Variants in NRXN1 observed in about 807,000 individuals in gnomAD.
The protein encoded by NRXN1 is neurexin 1.
A neutral mutation model predicts 150.9 loss-of-function variants in NRXN1; 39 were observed. The observed-to-expected ratio is 0.26, with a 90% CI of 0.20 to 0.34. NRXN1 has a LOEUF of 0.34. Ranked by LOEUF, NRXN1 falls within the 10% of genes least tolerant of loss-of-function variation. The probability of loss-of-function intolerance (pLI) is 1.00; values close to 1 mark genes in which losing one functional copy is unlikely to be tolerated. For synonymous variants in NRXN1, 924 were observed against 757.0 expected, an observed-to-expected ratio of 1.22 and a Z score of -3.62; for missense variants, 1,815 against 1,949.9, an observed-to-expected ratio of 0.93 and a Z score of 1.30.
chr2:50,199,799 C>T (rs548411290), intron 18 of NRXN1, among the ~76,000 whole-genome samples: 1 of 152,206 alleles, frequency 6.6e-6, no homozygotes, highest in East Asian at 1.9e-4. Context: ...CTCCTCTTTT[C>T]TTAAAAAGAC....
intron 17 of NRXN1, among the ~76,000 whole-genome samples, chr2:50,393,108 C>A (rs1331695640): frequency 6.6e-6 from 1 of 151,462 alleles, no homozygotes; most frequent in Non-Finnish European, 1.5e-5. Flanking sequence ...AGAAGCCATT[C>A]TATTGTCCAG....
intron 17 of NRXN1, among the ~76,000 whole-genome samples, chr2:50,286,308 C>G (rs536978075): frequency 3.3e-5 from 5 of 152,180 alleles, no homozygotes; most frequent in African/African-American, 1.2e-4. Context: ...ACTCCTACCC[C>G]CTAGTAATCA....
intron 5 of NRXN1, among the ~76,000 whole-genome samples, chr2:50,723,800 C>A (rs1024506348): frequency 6.6e-6 from 1 of 152,114 alleles, no homozygotes; most frequent in African/African-American, 2.4e-5. Context: ...TCTGGAGAGG[C>A]CTCTGAATGA....
chr2:50,223,142 G>A (rs181338107), intron 18 of NRXN1, among the ~76,000 whole-genome samples: 1 of 151,662 alleles, frequency 6.6e-6, no homozygotes, highest in Admixed American at 6.6e-5. Context: ...CTAGTCTATT[G>A]AATCTAGTTT....
At chr2:50,653,972 T>C (rs981296731) in intron 5 of NRXN1, among the ~76,000 whole-genome samples, 1 of 127,568 alleles carries the variant, frequency 7.8e-6, no homozygotes, top group African/African-American at 2.8e-5. Flanking sequence ...TTTGGCCTTT[T>C]CATCTTTTTT....
At chr2:50,158,041 T>A (rs1205780286) in intron 18 of NRXN1, among the ~76,000 whole-genome samples, 1 of 148,318 alleles carries the variant, frequency 6.7e-6, no homozygotes, top group African/African-American at 2.5e-5. Context: ...GAAAGATCCT[T>A]CAGGAATATT....
intron 5 of NRXN1, among the ~76,000 whole-genome samples, chr2:50,851,935 G>A (rs571501331): frequency 1.3e-5 from 2 of 152,288 alleles, no homozygotes; most frequent in East Asian, 3.9e-4. Flanking sequence ...ACTCTTAATA[G>A]TGCCTTTGTT....
chr2:50,629,294 T>C (rs1681794669), intron 5 of NRXN1, among the ~76,000 whole-genome samples: 2 of 151,606 alleles, frequency 1.3e-5, no homozygotes, highest in Admixed American at 1.3e-4. Flanking sequence ...TGTGAATCTA[T>C]GAGCTGCAAC....
intron 17 of NRXN1, among the ~76,000 whole-genome samples, chr2:50,278,407 C>T (rs545011258): frequency 2.7e-5 from 4 of 147,880 alleles, no homozygotes; most frequent in Admixed American, 6.9e-5. Context: ...CCCCCTTGGC[C>T]TCCCAAAGTG....
Position 50,929,428 on chromosome 2 carries a change from G to C in NRXN1, c.773-3473C>G, listed in dbSNP as rs111978622. ...AGTGCTACAACTTACATTAAAAAATGACCAAAAGAAGCTTCCTGATATCAC... is the reference window on the plus strand; with the variant it reads ...AGTGCTACAACTTACATTAAAAAATCACCAAAAGAAGCTTCCTGATATCAC... On this transcript the variant is annotated intron_variant, in intron 2 of 22. Coordinates refer to ENST00000401669, the MANE Select transcript of NRXN1 (RefSeq NM_001330078.2). Among the ~76,000 whole-genome samples, 279 of 152,134 alleles carry C rather than the reference G, an allele frequency of 1.8e-3. 4 individuals are homozygous for C. The highest frequency in any genetic ancestry group is 6.5e-3 in the African/African-American group (271 of 41,540).
chr2:50,778,735 C>T (rs1260369497), intron 5 of NRXN1, among the ~76,000 whole-genome samples: 2 of 152,120 alleles, frequency 1.3e-5, no homozygotes, highest in Admixed American at 1.3e-4. Flanking sequence ...GCTACAGTTT[C>T]CCTGTCTACC....
intron 5 of NRXN1, among the ~76,000 whole-genome samples, chr2:50,697,865 T>C (rs774130405): frequency 3.3e-5 from 5 of 152,168 alleles, no homozygotes; most frequent in African/African-American, 4.8e-5. Context: ...TGGTGCTTTG[T>C]ACCAGCTGTT....
intron 18 of NRXN1, among the ~76,000 whole-genome samples, chr2:50,199,744 G>A (rs142914484): frequency 2.6e-4 from 39 of 152,204 alleles, no homozygotes; most frequent in African/African-American, 9.1e-4. Context: ...ATTTTGGGGT[G>A]TAGGAACAAG....
chr2:50,086,921 T>G (rs934934338), intron 19 of NRXN1, among the ~76,000 whole-genome samples: 1 of 152,218 alleles, frequency 6.6e-6, no homozygotes, highest in South Asian at 2.1e-4. Flanking sequence ...TATTTTGCAT[T>G]CATCTTGTTT....
chr2:50,894,402 A>C (rs1335984138), intron 5 of NRXN1, among the ~76,000 whole-genome samples: 1 of 151,242 alleles, frequency 6.6e-6, no homozygotes, highest in African/African-American at 2.4e-5. Context: ...ATTGTTCTTC[A>C]CTTTCAGCAA....
At chr2:50,136,601 C>A (rs1706444807) in intron 18 of NRXN1, among the ~76,000 whole-genome samples, 1 of 152,094 alleles carries the variant, frequency 6.6e-6, no homozygotes. Flanking sequence ...GTGTCATGGA[C>A]CCCGGGATGT....
intron 18 of NRXN1, among the ~76,000 whole-genome samples, chr2:50,108,692 C>T (rs1216473424): frequency 6.6e-6 from 1 of 152,092 alleles, no homozygotes; most frequent in East Asian, 1.9e-4. Flanking sequence ...CAATCCGTTG[C>T]ATGATAAAAC....
intron 18 of NRXN1, among the ~76,000 whole-genome samples, chr2:50,140,461 C>T (rs925543588): frequency 6.6e-6 from 1 of 152,068 alleles, no homozygotes; most frequent in Non-Finnish European, 1.5e-5. Flanking sequence ...TGAGGGCACT[C>T]CACATTTATC....
At chr2:50,103,206 C>A (rs1226443773) in intron 18 of NRXN1, among the ~76,000 whole-genome samples, 1 of 152,096 alleles carries the variant, frequency 6.6e-6, no homozygotes, top group Non-Finnish European at 1.5e-5. Flanking sequence ...AAAAAAGATT[C>A]ATCATTCTAC....
Sources: gnomAD v4.1 joint callset for allele counts (sites outside exome capture counted in the v4.1 genomes callset) on GRCh38, gnomAD v4.1.1 for gene constraint, MANE v1.5 for transcripts, NCBI Gene and HGNC (gene_info 2026-07-23, HGNC 2026-07-21) for gene names.